Variants in MIS18A observed in about 807,000 individuals in gnomAD.
MIS18A encodes protein Mis18-alpha.
In MIS18A, 14 loss-of-function variants were observed where a neutral mutation model predicts 25.0. That is an observed-to-expected ratio of 0.56 (90% CI 0.37 to 0.88). The LOEUF (loss-of-function observed/expected upper bound fraction) is 0.88. MIS18A is among the 40% of genes least tolerant of loss of function. MIS18A has a pLI of 0.00. For missense variants in MIS18A, 292 were observed against 290.8 expected, an observed-to-expected ratio of 1.00 and a Z score of -0.03; for synonymous variants, 134 against 118.6, an observed-to-expected ratio of 1.13 and a Z score of -0.84.
the MIS18A span, among the ~76,000 whole-genome samples, chr21:32,169,228 C>T: frequency 6.6e-6 from 1 of 151,174 alleles, no homozygotes; most frequent in Non-Finnish European, 1.5e-5. Flanking sequence ...CTAGCAGCCA[C>T]TGGAAGGGGC....
the MIS18A span, among the ~76,000 whole-genome samples, chr21:32,157,845 T>C: frequency 6.6e-6 from 1 of 152,310 alleles, no homozygotes; most frequent in South Asian, 2.1e-4. Context: ...ATTTTATATT[T>C]CTACTATTTT....
At chr21:32,195,836 A>C in the MIS18A span, among the ~76,000 whole-genome samples, 1 of 152,040 alleles carries the variant, frequency 6.6e-6, no homozygotes, top group African/African-American at 2.4e-5. Context: ...CCTGGCCAAC[A>C]TGGTGAAGCC....
chr21:32,182,600 C>T, the MIS18A span, among the ~76,000 whole-genome samples: 4 of 152,142 alleles, frequency 2.6e-5, no homozygotes, highest in Non-Finnish European at 4.4e-5. Context: ...TAAGTGGGGT[C>T]CACACATAGC....
At chr21:32,262,583 C>A in the MIS18A span, among the ~76,000 whole-genome samples, 1 of 152,090 alleles carries the variant, frequency 6.6e-6, no homozygotes, top group African/African-American at 2.4e-5. Flanking sequence ...GGTTCATGGT[C>A]TCACTTCCCC....
At chr21:32,222,095 A>G in the MIS18A span, among the ~76,000 whole-genome samples, 1 of 152,102 alleles carries the variant, frequency 6.6e-6, no homozygotes, top group Non-Finnish European at 1.5e-5. Context: ...GGATGGAGGA[A>G]TATTTACCAA....
the MIS18A span, among the ~76,000 whole-genome samples, chr21:32,256,667 C>G: frequency 6.6e-6 from 1 of 152,134 alleles, no homozygotes; most frequent in South Asian, 2.1e-4. Context: ...TGTCCCTTGC[C>G]CCTTTTTCGG....
downstream of MIS18A, among the ~76,000 whole-genome samples, chr21:32,266,582 A>G (rs1232892354): frequency 6.6e-6 from 1 of 151,848 alleles, no homozygotes; most frequent in South Asian, 2.1e-4. Context: ...AGGAACGAAC[A>G]ACTCCAGACG....
At chr21:32,230,195 A>G in the MIS18A span, among the ~76,000 whole-genome samples, 2 of 152,144 alleles carry the variant, frequency 1.3e-5, no homozygotes, top group Non-Finnish European at 2.9e-5. Context: ...ATGGCTAATT[A>G]TTCTATATAT....
the MIS18A span, among the ~76,000 whole-genome samples, chr21:32,234,631 TG>T: frequency 6.6e-6 from 1 of 152,180 alleles, no homozygotes; most frequent in Admixed American, 6.5e-5. Flanking sequence ...TCCATGGTGA[TG>T]AGTGTGTTCT....
the MIS18A span, among the ~76,000 whole-genome samples, chr21:32,172,861 T>C: frequency 1.3e-5 from 2 of 152,184 alleles, no homozygotes; most frequent in African/African-American, 4.8e-5. Context: ...AATAGGGAAA[T>C]TGTCTTTTCA....
the MIS18A span, among the ~76,000 whole-genome samples, chr21:32,251,539 G>C: frequency 1.3e-5 from 2 of 152,134 alleles, no homozygotes; most frequent in Non-Finnish European, 2.9e-5. Flanking sequence ...CCAGCGTCTA[G>C]GAAGCTCAGA....
At chr21:32,223,650 C>A in the MIS18A span, among the ~76,000 whole-genome samples, 9 of 152,116 alleles carry the variant, frequency 5.9e-5, no homozygotes, top group East Asian at 1.7e-3. Context: ...GCTTACCAAC[C>A]AAAAAAAGGC....
the MIS18A span, among the ~76,000 whole-genome samples, chr21:32,194,143 G>C: frequency 6.6e-6 from 1 of 152,122 alleles, no homozygotes; most frequent in African/African-American, 2.4e-5. Context: ...GGAAGTTGGA[G>C]GACCCACACG....
the MIS18A span, among the ~76,000 whole-genome samples, chr21:32,204,765 T>C: frequency 6.6e-6 from 1 of 151,670 alleles, no homozygotes; most frequent in South Asian, 2.1e-4. Flanking sequence ...CAGGTGCCTA[T>C]TGTCCCAGCA....
At chr21:32,235,296 T>G in the MIS18A span, among the ~76,000 whole-genome samples, 3 of 152,180 alleles carry the variant, frequency 2.0e-5, no homozygotes, top group Non-Finnish European at 2.9e-5. Context: ...CCAGCCCTCT[T>G]GCCTCGAAGT....
At chr21:32,203,518 TTACTTTTAAA>T in the MIS18A span, among the ~76,000 whole-genome samples, 1 of 115,302 alleles carries the variant, frequency 8.7e-6, no homozygotes, top group Non-Finnish European at 1.8e-5. Flanking sequence ...AAAGGTAGTG[TTACTTTTAAA>T]ATTCTGCATA....
At chr21:32,236,354 A>T in the MIS18A span, among the ~76,000 whole-genome samples, 1 of 152,148 alleles carries the variant, frequency 6.6e-6, no homozygotes, top group Non-Finnish European at 1.5e-5. Context: ...CCGCACTCCA[A>T]CCTGGGTGAC....
the MIS18A span, among the ~76,000 whole-genome samples, chr21:32,246,265 T>A: frequency 6.6e-6 from 1 of 152,152 alleles, no homozygotes; most frequent in African/African-American, 2.4e-5. Context: ...CCACCCCTCA[T>A]TTGCTGGAAA....
At chr21:32,222,934 CAA>C in the MIS18A span, among the ~76,000 whole-genome samples, 64 of 65,906 alleles carry the variant, frequency 9.7e-4, no homozygotes, top group African/African-American at 2.9e-3. Flanking sequence ...GACTCCGTCT[CAA>C]AAAAAAAAAA....
Sources: allele counts gnomAD v4.1 joint callset (sites outside exome capture counted in the v4.1 genomes callset), GRCh38; gene constraint gnomAD v4.1.1; transcripts MANE v1.5; gene names NCBI Gene and HGNC (gene_info 2026-07-23, HGNC 2026-07-21).